Variants in PRDX3 observed in about 807,000 individuals in gnomAD.
PRDX3 encodes peroxiredoxin 3.
Under a neutral mutation model 30.4 loss-of-function variants are expected in PRDX3, and 20 were observed. The observed-to-expected ratio is 0.66, with a 90% CI of 0.46 to 0.96. The LOEUF (loss-of-function observed/expected upper bound fraction) is 0.96. PRDX3 is among the 40% of genes least tolerant of loss of function. The pLI, the probability that PRDX3 is intolerant of heterozygous loss-of-function variation, is 0.00. For missense variants in PRDX3, 322 were observed against 318.3 expected (o/e 1.01, Z -0.09); for synonymous variants, 124 against 117.8 (o/e 1.05, Z -0.34).
chr10:119,177,881 CTTTTTTT>C (rs141498625), intron 1 of PRDX3, among the ~76,000 whole-genome samples: 4 of 134,730 alleles, frequency 3.0e-5, no homozygotes, highest in South Asian at 2.4e-4. Context: ...GTTTACTCAA[CTTTTTTT>C]TTTTTTTTTT....
chr10:119,168,325 C>A lies in PRDX3; in HGVS notation c.*155G>T. The A allele has an allele frequency of 6.9e-7, 1 of 1,442,478 alleles. No homozygotes were observed. The highest frequency in any genetic ancestry group is 9.1e-7 in the Non-Finnish European group (1 of 1,095,004). The allele number at this position is 1,442,478 out of a possible 1,614,324, so 89.4% of individuals were successfully genotyped here. A position where few individuals can be genotyped will look rare whatever the true frequency, so the allele number is the denominator to read the frequency against. ...CTAACCATGTTTAAAAGGTCTTAGCCAGAATTACAAAAACAAAACATTTAG... is the reference window on the plus strand; with the variant it reads ...CTAACCATGTTTAAAAGGTCTTAGCAAGAATTACAAAAACAAAACATTTAG... On this transcript the variant is annotated 3_prime_UTR_variant, in exon 7 of 7. Coordinates refer to ENST00000298510, the MANE Select transcript of PRDX3 (RefSeq NM_006793.5).
At chr10:119,172,978 G>A (rs1308700087) in intron 4 of PRDX3, among the ~76,000 whole-genome samples, 9 of 151,766 alleles carry the variant, frequency 5.9e-5, no homozygotes, top group Admixed American at 1.3e-4. Flanking sequence ...TCGCTCTGTC[G>A]CCCAGGCTGG....
chr10:119,178,680 C>A, intron 1 of PRDX3, 75 bp downstream of exon 1: 1 of 1,513,850 alleles, frequency 6.6e-7, no homozygotes, highest in South Asian at 1.2e-5. Context: ...CCCAGAAGCG[C>A]GGGGTCCTGT....
intron 2 of PRDX3, among the ~76,000 whole-genome samples, chr10:119,175,497 G>A (rs1413644817): frequency 1.3e-5 from 2 of 152,208 alleles, no homozygotes; most frequent in African/African-American, 4.8e-5. Context: ...CTGGGTTCAC[G>A]CCATTCTCCG....
chr10:119,175,458 C>T (rs919737316), intron 2 of PRDX3, among the ~76,000 whole-genome samples: 7 of 152,136 alleles, frequency 4.6e-5, no homozygotes, highest in African/African-American at 1.4e-4. Context: ...TGCAGTGGCA[C>T]AATCTCAGCT....
In PRDX3 at chr10:119,177,114, C is replaced by A. The variant is rs759662017; in HGVS notation, c.76G>T (p.Ala26Ser). The A allele has an allele frequency of 6.2e-7, 1 of 1,613,662 alleles. No homozygotes were observed. The highest frequency in any genetic ancestry group is 2.2e-5 in the East Asian group (1 of 44,894). ...GCAGCAGGCCTGAGGGCTGCAGTGGCAGAAATGCCCCAAGGAATGGCACTC... is the reference window on the plus strand; with the variant it reads ...GCAGCAGGCCTGAGGGCTGCAGTGGAAGAAATGCCCCAAGGAATGGCACTC... ...HVSAIPWGIS[A>S]TAALRPAACG... Residue 26 changes from alanine (A) to serine (S), a missense_variant, in exon 2 of 7, where the codon GCC becomes TCC. Physicochemically the swap from Ala to Ser is moderately conservative, Grantham distance 99. Transcript: ENST00000298510.
chr10:119,177,518 C>T (rs371891226), intron 1 of PRDX3, among the ~76,000 whole-genome samples: 1 of 151,852 alleles, frequency 6.6e-6, no homozygotes, highest in Admixed American at 6.6e-5. Context: ...CTTAGCCAGG[C>T]GGCGGTGGCG....
intron 1 of PRDX3, among the ~76,000 whole-genome samples, chr10:119,178,390 C>T (rs1321784392): frequency 6.6e-6 from 1 of 152,260 alleles, no homozygotes; most frequent in Non-Finnish European, 1.5e-5. Flanking sequence ...ACAGCAACGC[C>T]TTGATGTAGG....
At chr10:119,173,190 G>A (rs1455631350) in intron 4 of PRDX3, among the ~76,000 whole-genome samples, 1 of 151,998 alleles carries the variant, frequency 6.6e-6, no homozygotes, top group Non-Finnish European at 1.5e-5. Context: ...CACCTGTCTC[G>A]GCCTCTCAAA....
At chr10:119,174,240 T>C (rs912855631) in intron 3 of PRDX3, among the ~76,000 whole-genome samples, 13 of 152,220 alleles carry the variant, frequency 8.5e-5, no homozygotes, top group Non-Finnish European at 1.8e-4. Context: ...AGAGGTGTAC[T>C]ATAAAGAAAG....
At chr10:119,172,924 C>G (rs998621576) in intron 4 of PRDX3, among the ~76,000 whole-genome samples, 5 of 151,888 alleles carry the variant, frequency 3.3e-5, no homozygotes, top group Non-Finnish European at 7.4e-5. Flanking sequence ...TTTTCTAATT[C>G]TTTATTATTT....
chr10:119,169,069 T>A, intron 6 of PRDX3, 108 bp downstream of exon 6: 32 of 941,784 alleles, frequency 3.4e-5, no homozygotes, highest in East Asian at 1.2e-4. Flanking sequence ...TTGCATATCA[T>A]CTGCACGCTT....
At chr10:119,178,677 G>A in intron 1 of PRDX3, 78 bp downstream of exon 1, 5 of 1,507,000 alleles carry the variant, frequency 3.3e-6, no homozygotes, top group Non-Finnish European at 4.5e-6. Context: ...ATGCCCAGAA[G>A]CGCGGGGTCC....
intron 1 of PRDX3, among the ~76,000 whole-genome samples, chr10:119,178,537 G>A (rs1433360554): frequency 6.6e-6 from 1 of 152,340 alleles, no homozygotes; most frequent in East Asian, 1.9e-4. Flanking sequence ...GAAAGAGGAG[G>A]GACTCGGGGA....
In PRDX3 at chr10:119,168,464, G is replaced by A; in HGVS notation, c.*16C>T. 6.2e-7 allele frequency: 1 copy of A among 1,613,334 alleles called. No individual in the cohort carries two copies. ...TTCTTCTCTCAGTTGAGAAGGTGCA[G>A]ATACACATGGGTGATCTACTGATTT... On this transcript the variant is annotated 3_prime_UTR_variant, in exon 7 of 7. Transcript: ENST00000298510.
At position 119,172,461 on chromosome 10, in the gene PRDX3, T is replaced by C. The variant is rs145660516; in HGVS notation, c.472A>G (p.Ile158Val). 8.1e-6 allele frequency: 13 copies of C among 1,614,036 alleles called. No individual in the cohort carries two copies. Among genetic ancestry groups the C allele is most frequent in the Middle Eastern group, 1.6e-4 (1 of 6,084 alleles). ...RKNGGLGHMN[I>V]ALLSDLTKQI... ...TTAGTTAAGTCTGACAAGAGTGCGA[T>C]GTTCATGTGGCCCAAACCACCATTC... Residue 158 changes from isoleucine (I) to valine (V), a missense_variant, in exon 5 of 7, where the codon ATC (isoleucine) becomes GTC (valine). Coordinates refer to ENST00000298510, the MANE Select transcript of PRDX3 (RefSeq NM_006793.5).
At chr10:119,170,755 CG>C (rs1847884757) in intron 5 of PRDX3, 1 of 151,704 alleles carries the variant, frequency 6.6e-6, no homozygotes, top group Non-Finnish European at 1.5e-5. Flanking sequence ...ATTGGCCGGG[CG>C]TGGTGGCGTG....
chr10:119,173,128 T>G (rs573662869), intron 4 of PRDX3, among the ~76,000 whole-genome samples: 3 of 151,976 alleles, frequency 2.0e-5, no homozygotes, highest in African/African-American at 7.2e-5. Context: ...TTAGTAGAGA[T>G]GGGGTTTCAC....
chr10:119,173,366 T>C (rs1199916605), intron 4 of PRDX3, among the ~76,000 whole-genome samples: 1 of 152,144 alleles, frequency 6.6e-6, no homozygotes, highest in Non-Finnish European at 1.5e-5. Flanking sequence ...TTCCGGCACT[T>C]TGGGAGGCCA....
Sources: gnomAD v4.1 joint callset for allele counts (sites outside exome capture counted in the v4.1 genomes callset) on GRCh38, gnomAD v4.1.1 for gene constraint, MANE v1.5 for transcripts, NCBI Gene and HGNC (gene_info 2026-07-23, HGNC 2026-07-21) for gene names.